Variants in HIPK3 observed in about 807,000 individuals in gnomAD.
The protein encoded by HIPK3 is homeodomain interacting protein kinase 3.
HIPK3 carries 47 observed loss-of-function variants against 124.2 expected under a neutral mutation model. The observed-to-expected ratio is 0.38, with a 90% confidence interval of 0.30 to 0.48. The LOEUF (loss-of-function observed/expected upper bound fraction) is 0.48, where lower values mean the gene tolerates loss of function less well. Among genes scored for constraint, HIPK3 ranks in the 20% least tolerant of loss-of-function variants. HIPK3 has a pLI of 0.98. For missense variants in HIPK3, 1,286 were observed against 1,454.3 expected (o/e 0.88, Z 1.88); for synonymous variants, 482 against 515.2 (o/e 0.94, Z 0.87).
intron 2 of HIPK3, among the ~76,000 whole-genome samples, chr11:33,297,476 T>G (rs1236219052): frequency 6.6e-6 from 1 of 152,172 alleles, no homozygotes; most frequent in African/African-American, 2.4e-5. Context: ...GAGCCAGGCC[T>G]TAACTCTCTT....
At chr11:33,352,353 A>T (rs1400662248) in intron 16 of HIPK3, 88 bp downstream of exon 16, 3 of 1,379,060 alleles carry the variant, frequency 2.2e-6, no homozygotes, top group Admixed American at 1.9e-5. Context: ...CTGAAACTGT[A>T]TGTAGTGTTA....
chr11:33,347,263 CTTTTA>C, intron 8 of HIPK3, 25 bp from the exon 9 acceptor site: 1 of 1,576,204 alleles, frequency 6.3e-7, no homozygotes, highest in Non-Finnish European at 8.6e-7. Context: ...AAGATTTTTT[CTTTTA>C]TTTGATAACT....
chr11:33,346,644 C>A (rs1262035982), intron 8 of HIPK3, among the ~76,000 whole-genome samples: 1 of 152,154 alleles, frequency 6.6e-6, no homozygotes, highest in Non-Finnish European at 1.5e-5. Context: ...ATTCTTCTTT[C>A]CATGTTCTTT....
chr11:33,287,459 A>G lies in HIPK3; in HGVS notation c.1045A>G (p.Ser349Gly). The G allele has an allele frequency of 6.2e-7, 1 of 1,614,112 alleles. No individual in the cohort carries two copies. Among genetic ancestry groups the G allele is most frequent in the African/African-American group, 1.3e-5 (1 of 75,038 alleles). The change falls in exon 2 of 17, where the codon AGT becomes GGT. Residue 349 changes from serine (S) to glycine (G), a missense_variant. Physicochemically the swap from Ser to Gly is moderately conservative, Grantham distance 56. Transcript: ENST00000303296. ...RVKVIDFGSA[S>G]HVSKTVCSTY... ...TAAAGTAATAGACTTTGGGTCGGCCAGTCATGTATCAAAGACTGTTTGTTC... is the reference window on the plus strand; with the variant it reads ...TAAAGTAATAGACTTTGGGTCGGCCGGTCATGTATCAAAGACTGTTTGTTC...
intron 2 of HIPK3, among the ~76,000 whole-genome samples, chr11:33,305,467 C>A (rs181286138): frequency 6.6e-6 from 1 of 152,130 alleles, no homozygotes; most frequent in Non-Finnish European, 1.5e-5. Flanking sequence ...TAGGTTCAGC[C>A]GCTGTGCTAG....
intron 2 of HIPK3, among the ~76,000 whole-genome samples, chr11:33,297,318 C>T (rs1851868599): frequency 6.6e-6 from 1 of 151,998 alleles, no homozygotes; most frequent in African/African-American, 2.4e-5. Flanking sequence ...GGTCTTGAAC[C>T]CTTGACCTCA....
Position 33,257,708 on chromosome 11 carries a change from C to T in HIPK3, c.-184C>T. ...GCAGCGGTCGGGGGAGGGTGTTTCG[C>T]CGTTTCCTCTCAGCCGCCAGGACAA... On this transcript the variant is annotated 5_prime_UTR_variant, in exon 1 of 17. Coordinates refer to ENST00000303296, the MANE Select transcript of HIPK3 (RefSeq NM_005734.5). The T allele has an allele frequency of 1.0e-6, 1 of 990,758 alleles. No homozygotes were observed. The highest frequency in any genetic ancestry group is 1.2e-6 in the Non-Finnish European group (1 of 833,584). 61.4% of individuals were successfully genotyped at this position (990,758 alleles called of 1,614,324 possible). A position where few individuals can be genotyped will look rare whatever the true frequency, so the allele number is the denominator to read the frequency against.
chr11:33,300,739 TTTTTG>T (rs1851975366), intron 2 of HIPK3, among the ~76,000 whole-genome samples: 1 of 152,144 alleles, frequency 6.6e-6, no homozygotes, highest in Admixed American at 6.5e-5. Context: ...GTGTAGTATT[TTTTTG>T]TTTTGTTTTT....
chr11:33,339,109 T>C (rs1188933852), intron 5 of HIPK3, among the ~76,000 whole-genome samples: 1 of 152,268 alleles, frequency 6.6e-6, no homozygotes. Flanking sequence ...TTTCCCTATA[T>C]TTCATTAGAA....
chr11:33,307,022 T>C (rs1401478620), intron 2 of HIPK3, among the ~76,000 whole-genome samples: 1 of 150,996 alleles, frequency 6.6e-6, no homozygotes, highest in African/African-American at 2.4e-5. Context: ...CGCTGCAACC[T>C]TGGCCTTTCC....
intron 2 of HIPK3, among the ~76,000 whole-genome samples, chr11:33,300,749 GT>G (rs1279601834): frequency 1.3e-5 from 2 of 151,762 alleles, no homozygotes; most frequent in Non-Finnish European, 2.9e-5. Context: ...TTTTTGTTTT[GT>G]TTTTTTGAGA....
rs1223220073 is a variant in HIPK3 at position 33,353,147 on chromosome 11, G to C, written c.3227G>C (p.Arg1076Thr). The C allele has an allele frequency of 5.0e-6, 8 of 1,613,620 alleles. No homozygotes were observed. The highest frequency in any genetic ancestry group is 5.9e-6 in the Non-Finnish European group (7 of 1,179,926). The change falls in exon 17 of 17, where the codon AGA becomes ACA. Residue 1076 changes from arginine (R) to threonine (T), a missense_variant. By Grantham distance (71) the Arg-to-Thr change is moderately conservative. Transcript: ENST00000303296. ...QEWNGNFGHRRQQAYIPTSVT... is the reference protein window; with the variant it reads ...QEWNGNFGHRTQQAYIPTSVT... ...TGGAATGGAAACTTTGGGCACAGAAGACAGCAAGCTTATATTCCTACTAGT... is the reference window on the plus strand; with the variant it reads ...TGGAATGGAAACTTTGGGCACAGAACACAGCAAGCTTATATTCCTACTAGT...
At position 33,257,542 on chromosome 11, in the gene HIPK3, GC is replaced by G. The variant is rs1850698718; in HGVS notation, c.-347del. 1 of 985,396 alleles carries G rather than the reference GC, an allele frequency of 1.0e-6. No individual in the cohort carries two copies. The highest frequency in any genetic ancestry group is 1.2e-6 in the Non-Finnish European group (1 of 830,034). 61.0% of individuals were successfully genotyped at this position (985,396 alleles called of 1,614,324 possible). A position where few individuals can be genotyped will look rare whatever the true frequency, so the allele number is the denominator to read the frequency against. On this transcript the variant is annotated 5_prime_UTR_variant, in exon 1 of 17. The change abolishes the stop of an existing upstream ORF in the 5' untranslated region. Transcript: ENST00000303296. ...CGCCGTGGGCCCCGCACCCTGCGTCGCCCGTAGGCCCCAGTAGCCGGAGGCC... is the reference window on the plus strand; with the variant it reads ...CGCCGTGGGCCCCGCACCCTGCGTCGCCGTAGGCCCCAGTAGCCGGAGGCC...
chr11:33,318,179 C>T (rs1188937452), intron 2 of HIPK3, among the ~76,000 whole-genome samples: 2 of 152,036 alleles, frequency 1.3e-5, no homozygotes, highest in African/African-American at 4.8e-5. Context: ...GCATCTAAGT[C>T]TGAGCACTTC....
intron 15 of HIPK3, 31 bp from the exon 16 acceptor site, chr11:33,352,107 A>G (rs531026099): frequency 1.9e-6 from 3 of 1,596,970 alleles, no homozygotes; most frequent in Admixed American, 3.4e-5. Context: ...AGGAAAAAGC[A>G]TAAACTCTTT....
At chr11:33,288,664 A>G (rs1371490172) in intron 2 of HIPK3, among the ~76,000 whole-genome samples, 3 of 152,206 alleles carry the variant, frequency 2.0e-5, no homozygotes, top group South Asian at 4.1e-4. Flanking sequence ...CTGAAGTGCA[A>G]TAGATAGTAT....
At chr11:33,352,375 C>T in intron 16 of HIPK3, 110 bp downstream of exon 16, 1 of 1,177,352 alleles carries the variant, frequency 8.5e-7, no homozygotes, top group South Asian at 1.5e-5. Flanking sequence ...TGAATTTTTC[C>T]CTTCTCATTA....
intron 2 of HIPK3, among the ~76,000 whole-genome samples, chr11:33,307,963 G>C (rs1164061933): frequency 6.6e-6 from 1 of 152,026 alleles, no homozygotes; most frequent in Non-Finnish European, 1.5e-5. Flanking sequence ...TTATGATTAT[G>C]ATTGCCATTT....
chr11:33,263,155 C>G (rs1349377641), intron 1 of HIPK3, among the ~76,000 whole-genome samples: 1 of 152,084 alleles, frequency 6.6e-6, no homozygotes, highest in Non-Finnish European at 1.5e-5. Context: ...CAGGCATGAG[C>G]CACTGTGCCC....
Sources: gnomAD v4.1 joint callset for allele counts (sites outside exome capture counted in the v4.1 genomes callset) on GRCh38, gnomAD v4.1.1 for gene constraint, MANE v1.5 for transcripts, NCBI Gene and HGNC (gene_info 2026-07-23, HGNC 2026-07-21) for gene names.